The following PCDHA7 variants were observed in gnomAD, a reference collection of about 807,000 sequenced individuals.
PCDHA7 encodes the protein protocadherin alpha 7, also known as protocadherin alpha-7.
In PCDHA7, 37 loss-of-function variants were observed where a neutral mutation model predicts 57.2. That is an observed-to-expected ratio of 0.65 (90% CI 0.50 to 0.85). The LOEUF (loss-of-function observed/expected upper bound fraction) is 0.85, where lower values mean the gene tolerates loss of function less well. Ranked by LOEUF, PCDHA7 falls within the 40% of genes least tolerant of loss-of-function variation. PCDHA7 has a pLI of 0.00. For missense variants in PCDHA7, 1,188 were observed against 1,241.8 expected, an observed-to-expected ratio of 0.96 and a Z score of 0.65; for synonymous variants, 553 against 558.8, an observed-to-expected ratio of 0.99 and a Z score of 0.15.
At chr5:140,836,777 C>T (rs2150269784) in intron 1 of PCDHA7, 39 bp downstream of exon 1, 2 of 1,480,486 alleles carry the variant, frequency 1.4e-6, no homozygotes, top group Non-Finnish European at 1.8e-6. Context: ...AATTTTAAAA[C>T]AATTAGTTCA....
At chr5:140,864,698 T>A (rs2048569561) in intron 1 of PCDHA7, 1 of 152,250 alleles carries the variant, frequency 6.6e-6, no homozygotes, top group African/African-American at 2.4e-5. Flanking sequence ...CCAGTTTAAG[T>A]TGTTGAGCTC....
At chr5:141,007,192 TGGTGGGGGCCAGAATATGC>T (rs1371127830) in intron 3 of PCDHA7, among the ~76,000 whole-genome samples, 1 of 151,894 alleles carries the variant, frequency 6.6e-6, no homozygotes, top group African/African-American at 2.4e-5. Flanking sequence ...AATGTTTTGA[TGGTGGGGGCCAGAATATGC>T]TGTCCCAAAA....
intron 1 of PCDHA7, among the ~76,000 whole-genome samples, chr5:140,925,907 C>T (rs937426015): frequency 6.6e-6 from 1 of 151,848 alleles, no homozygotes; most frequent in African/African-American, 2.4e-5. Flanking sequence ...TCGTCAAGGG[C>T]CGTTTGCAAA....
At position 141,010,305 on chromosome 5, in the gene PCDHA7, G is replaced by GT; in HGVS notation, c.*372dup. 1 of 1,548,478 alleles carries GT rather than the reference G, an allele frequency of 6.5e-7. No homozygotes were observed. Among genetic ancestry groups the GT allele is most frequent in the Non-Finnish European group, 8.7e-7 (1 of 1,146,036 alleles). On this transcript the variant is annotated 3_prime_UTR_variant, in exon 4 of 4. Transcript: ENST00000525929. ...TGACACTTGCAGGGCAGGCTGAAAAGTTTTGAGATTGAGCAGCTTGGGAGT... is the reference window on the plus strand; with the variant it reads ...TGACACTTGCAGGGCAGGCTGAAAAGTTTTTGAGATTGAGCAGCTTGGGAGT...
intron 1 of PCDHA7, among the ~76,000 whole-genome samples, chr5:140,885,442 T>A (rs2060596310): frequency 6.6e-6 from 1 of 152,180 alleles, no homozygotes; most frequent in African/African-American, 2.4e-5. Flanking sequence ...TGTGCAATTA[T>A]ATATTATTTA....
At chr5:140,902,043 G>A (rs1294111308) in intron 1 of PCDHA7, among the ~76,000 whole-genome samples, 2 of 151,980 alleles carry the variant, frequency 1.3e-5, no homozygotes, top group Non-Finnish European at 2.9e-5. Flanking sequence ...TTTGTATGTT[G>A]ATTTTGTATC....
In PCDHA7 at chr5:141,011,378, C is replaced by T. The variant is rs1419825590; in HGVS notation, c.*1441C>T. 1 of 153,742 alleles carries T rather than the reference C, an allele frequency of 6.5e-6. No individual in the cohort carries two copies. Among genetic ancestry groups the T allele is most frequent in the African/African-American group, 2.4e-5 (1 of 41,460 alleles). The allele number at this position is 153,742 out of a possible 1,614,324, so 9.5% of individuals were successfully genotyped here. Reference sequence around the variant, plus strand: ...ATGTATGCTGTATGCTATGCTAAGACTCCTGAAATATACTTACTCTGTGCT... The same window carrying T: ...ATGTATGCTGTATGCTATGCTAAGATTCCTGAAATATACTTACTCTGTGCT... On this transcript the variant is annotated 3_prime_UTR_variant, in exon 4 of 4. Coordinates refer to ENST00000525929, the MANE Select transcript of PCDHA7 (RefSeq NM_018910.3).
intron 1 of PCDHA7, chr5:140,849,234 T>C: frequency 2.9e-6 from 3 of 1,050,956 alleles, no homozygotes; most frequent in Non-Finnish European, 4.0e-6. Flanking sequence ...CAGAACCCTG[T>C]ATACGGTGAA....
chr5:140,859,470 A>G (rs184833883), intron 1 of PCDHA7: 1 of 211,162 alleles, frequency 4.7e-6, no homozygotes, highest in South Asian at 1.3e-4. Context: ...TACACTATCA[A>G]TTGTGTTTTC....
At chr5:140,908,727 G>A (rs1388044565) in intron 1 of PCDHA7, among the ~76,000 whole-genome samples, 1 of 152,136 alleles carries the variant, frequency 6.6e-6, no homozygotes, top group Non-Finnish European at 1.5e-5. Context: ...GGGTCATATG[G>A]CTCGAGAAAC....
Position 140,851,117 on chromosome 5 carries a change from T to C in PCDHA7, c.2355+14379T>C, listed in dbSNP as rs932245132. 14 of 1,306,346 alleles carry C rather than the reference T, an allele frequency of 1.1e-5. No homozygotes were observed. The African/African-American group carries it at 2.0e-4, about 19-fold the overall frequency. 80.9% of individuals were successfully genotyped at this position (1,306,346 alleles called of 1,614,324 possible). On this transcript the variant is annotated intron_variant, in intron 1 of 3. Transcript: ENST00000525929. ...ATATTTTTTGGGTGCTGAATCAATT[T>C]TATTTAAATTTGTGATTAAAGTGAC... is the stretch of plus-strand genomic sequence containing the variant.
chr5:140,887,047 C>G (rs530605993), intron 1 of PCDHA7, among the ~76,000 whole-genome samples: 1 of 151,882 alleles, frequency 6.6e-6, no homozygotes, highest in African/African-American at 2.4e-5. Flanking sequence ...TTTTATAGTG[C>G]ATATGTTCTG....
chr5:141,012,057 A>G lies in PCDHA7; in HGVS notation c.*2120A>G, dbSNP rs2098422809. 6.5e-6 allele frequency: 1 copy of G among 153,774 alleles called. No individual in the cohort carries two copies. Among genetic ancestry groups the G allele is most frequent in the African/African-American group, 2.4e-5 (1 of 41,454 alleles). The allele number at this position is 153,774 out of a possible 1,614,324, so 9.5% of individuals were successfully genotyped here. A position where few individuals can be genotyped will look rare whatever the true frequency, so the allele number is the denominator to read the frequency against. Reference sequence around the variant, plus strand: ...ATTGCATGGGGTAAAACTTGTTACCAACACATGTGAACCATTGCTACATTG... The same window carrying G: ...ATTGCATGGGGTAAAACTTGTTACCGACACATGTGAACCATTGCTACATTG... On this transcript the variant is annotated 3_prime_UTR_variant, in exon 4 of 4. Transcript: ENST00000525929.
rs2150331994 is a variant in PCDHA7, at chr5:140,842,213, A to G, written c.2355+5475A>G. The G allele has an allele frequency of 8.1e-6, 13 of 1,613,600 alleles. 1 individual carries two copies. The South Asian group carries it at 1.4e-4, about 18-fold the overall frequency. ...TATTGACCACTTTAGCATAGATCGA[A>G]ATACGGGAGAAATAGTGATTCGGGG... On this transcript the variant is annotated intron_variant, in intron 1 of 3. Coordinates refer to ENST00000525929, the MANE Select transcript of PCDHA7 (RefSeq NM_018910.3).
intron 1 of PCDHA7, chr5:140,868,741 A>G: frequency 4.8e-6 from 1 of 208,168 alleles, no homozygotes; most frequent in South Asian, 1.1e-4. Flanking sequence ...GAGAAATACA[A>G]TGCCATTTCC....
chr5:140,869,373 C>T (rs782224697), intron 1 of PCDHA7: 5 of 1,613,984 alleles, frequency 3.1e-6, no homozygotes, highest in African/African-American at 2.7e-5. Flanking sequence ...ATTCTCGGAT[C>T]GACCGCGAGG....
chr5:140,997,614 A>T (rs1355709943), intron 3 of PCDHA7, among the ~76,000 whole-genome samples: 2 of 152,148 alleles, frequency 1.3e-5, no homozygotes, highest in African/African-American at 4.8e-5. Context: ...GCATGACTAT[A>T]TAGAGATTTT....
chr5:140,838,089 T>TA (rs1775524644), intron 1 of PCDHA7, among the ~76,000 whole-genome samples: 1 of 121,926 alleles, frequency 8.2e-6, no homozygotes, highest in East Asian at 2.1e-4. Context: ...TGTGTGTGTG[T>TA]GTGTGTGTGT....
chr5:140,868,747 T>C, intron 1 of PCDHA7: 1 of 213,646 alleles, frequency 4.7e-6, no homozygotes, highest in South Asian at 1.1e-4. Context: ...TACAATGCCA[T>C]TTCCATATAT....
Sources: allele counts gnomAD v4.1 joint callset (sites outside exome capture counted in the v4.1 genomes callset), GRCh38; gene constraint gnomAD v4.1.1; transcripts MANE v1.5; gene names NCBI Gene and HGNC (gene_info 2026-07-23, HGNC 2026-07-21).